Variants in SULF1 observed in about 807,000 individuals in gnomAD.
The protein encoded by SULF1 is extracellular sulfatase Sulf-1.
Under a neutral mutation model 110.5 loss-of-function variants are expected in SULF1, and 46 were observed. That is an observed-to-expected ratio of 0.42 (90% CI 0.33 to 0.53). SULF1 has a LOEUF of 0.53. Among genes scored for constraint, SULF1 ranks in the 20% least tolerant of loss-of-function variants. SULF1 has a pLI of 0.12. For synonymous variants in SULF1, 371 were observed against 387.1 expected (o/e 0.96, Z 0.49); for missense variants, 941 against 1,094.2 (o/e 0.86, Z 1.98).
At chr8:69,620,018 T>TCA (rs1809481657) in intron 13 of SULF1, among the ~76,000 whole-genome samples, 1 of 152,096 alleles carries the variant, frequency 6.6e-6, no homozygotes, top group Non-Finnish European at 1.5e-5. Context: ...AAGAATCAGG[T>TCA]CACACACGGG....
intron 13 of SULF1, among the ~76,000 whole-genome samples, chr8:69,619,194 T>A (rs1031794216): frequency 1.1e-4 from 16 of 152,178 alleles, no homozygotes; most frequent in African/African-American, 3.9e-4. Context: ...TTCTCACTCT[T>A]TAACTAGATA....
intron 13 of SULF1, among the ~76,000 whole-genome samples, chr8:69,608,737 A>G (rs1425580640): frequency 6.6e-6 from 1 of 152,176 alleles, no homozygotes; most frequent in Non-Finnish European, 1.5e-5. Context: ...AATCCCAGAG[A>G]CTTGGCATCA....
At chr8:69,654,300 T>C (rs1812557176) in intron 22 of SULF1, among the ~76,000 whole-genome samples, 1 of 152,248 alleles carries the variant, frequency 6.6e-6, no homozygotes, top group African/African-American at 2.4e-5. Flanking sequence ...GCCACTGTGC[T>C]GCTCTAGGCT....
At chr8:69,521,195 T>C (rs1812271524) in intron 3 of SULF1, among the ~76,000 whole-genome samples, 1 of 152,174 alleles carries the variant, frequency 6.6e-6, no homozygotes, top group African/African-American at 2.4e-5. Context: ...TTTCCTTTAT[T>C]TATGCATTCA....
At chr8:69,633,716 C>A (rs1337025268) in intron 19 of SULF1, among the ~76,000 whole-genome samples, 2 of 151,752 alleles carry the variant, frequency 1.3e-5, no homozygotes, top group Non-Finnish European at 2.9e-5. Context: ...GCAGAACGTG[C>A]AGTTTTGTTA....
chr8:69,536,045 A>C (rs1404728877), intron 3 of SULF1, among the ~76,000 whole-genome samples: 3 of 151,990 alleles, frequency 2.0e-5, no homozygotes, highest in African/African-American at 7.2e-5. Flanking sequence ...AAATCCCTGC[A>C]AGCAATCACC....
At chr8:69,648,597 G>A (rs1812102975) in intron 22 of SULF1, among the ~76,000 whole-genome samples, 1 of 152,200 alleles carries the variant, frequency 6.6e-6, no homozygotes, top group Admixed American at 6.5e-5. Context: ...AAACACTGAG[G>A]AAGGAGAGAG....
intron 13 of SULF1, 149 bp downstream of exon 13, chr8:69,605,081 C>A: frequency 1.8e-6 from 2 of 1,109,418 alleles, no homozygotes; most frequent in Non-Finnish European, 2.5e-6. Flanking sequence ...CACCTCTCCG[C>A]GGACAGAATT....
chr8:69,522,211 C>A (rs760344618), intron 3 of SULF1, among the ~76,000 whole-genome samples: 1 of 151,988 alleles, frequency 6.6e-6, no homozygotes, highest in East Asian at 1.9e-4. Context: ...CCACCACACC[C>A]GGCTACTTTT....
intron 3 of SULF1, among the ~76,000 whole-genome samples, chr8:69,514,496 G>A (rs1206382490): frequency 6.6e-6 from 1 of 152,178 alleles, no homozygotes; most frequent in Non-Finnish European, 1.5e-5. Context: ...TGAGATTTGG[G>A]TGGGGGTACA....
rs767775845 is a variant in SULF1 at position 69,586,479 on chromosome 8, A to G, written c.535A>G (p.Lys179Glu). The G allele has an allele frequency of 1.2e-6, 2 of 1,611,478 alleles. No individual in the cohort carries two copies. The highest frequency in any genetic ancestry group is 1.7e-6 in the Non-Finnish European group (2 of 1,179,536). ...TTACACTGTTTGTCGCAATGGCATCAAAGAAAAGCATGGATTTGATTATGC... is the reference window on the plus strand; with the variant it reads ...TTACACTGTTTGTCGCAATGGCATCGAAGAAAAGCATGGATTTGATTATGC... ...YNYTVCRNGI[K>E]EKHGFDYAKD... is the part of the protein sequence containing the mutation. Residue 179 changes from lysine to glutamate, a missense_variant, in exon 7 of 23, where the codon AAA becomes GAA. Physicochemically the swap from Lys to Glu is moderately conservative, Grantham distance 56. Coordinates refer to ENST00000402687, the MANE Select transcript of SULF1 (RefSeq NM_001128205.2).
At chr8:69,495,464 C>T (rs748068932) in intron 1 of SULF1, among the ~76,000 whole-genome samples, 134 of 152,248 alleles carry the variant, frequency 8.8e-4, no homozygotes, top group Non-Finnish European at 1.6e-3. Flanking sequence ...GCTCTCCCTA[C>T]TATGTTCTAA....
intron 19 of SULF1, among the ~76,000 whole-genome samples, chr8:69,634,599 T>C (rs1810830488): frequency 6.6e-6 from 1 of 151,934 alleles, no homozygotes; most frequent in Non-Finnish European, 1.5e-5. Flanking sequence ...TGAAACCCTA[T>C]CTCTACCAAA....
chr8:69,534,985 A>T (rs1048774548), intron 3 of SULF1, among the ~76,000 whole-genome samples: 2 of 152,184 alleles, frequency 1.3e-5, no homozygotes, highest in Admixed American at 6.5e-5. Flanking sequence ...ATTTTGCATG[A>T]TATATCAATT....
intron 13 of SULF1, among the ~76,000 whole-genome samples, chr8:69,619,840 C>T (rs938662789): frequency 1.3e-5 from 2 of 152,154 alleles, no homozygotes; most frequent in Middle Eastern, 3.2e-3. Flanking sequence ...TCCAGCCCTG[C>T]GGTAGTATCT....
intron 1 of SULF1, among the ~76,000 whole-genome samples, chr8:69,484,314 A>G (rs550540125): frequency 4.2e-4 from 64 of 152,210 alleles, no homozygotes; most frequent in Non-Finnish European, 8.8e-4. Context: ...CAGGCACCAC[A>G]TCTTATCTGC....
At chr8:69,566,603 C>T (rs56221900) in intron 5 of SULF1, among the ~76,000 whole-genome samples, 22,242 of 152,166 alleles carry the variant, frequency 0.15, 1,816 homozygotes, top group African/African-American at 0.21. Context: ...ATAATCCCAG[C>T]ACTTCGGGAG....
intron 19 of SULF1, among the ~76,000 whole-genome samples, chr8:69,630,449 C>T (rs981858734): frequency 5.9e-5 from 9 of 152,142 alleles, no homozygotes; most frequent in African/African-American, 2.2e-4. Context: ...TTGGAGACTC[C>T]AAAGAATTGA....
chr8:69,495,254 G>T (rs1431876912), intron 1 of SULF1, among the ~76,000 whole-genome samples: 1 of 152,146 alleles, frequency 6.6e-6, no homozygotes, highest in Admixed American at 6.5e-5. Flanking sequence ...GTGGTGGCAT[G>T]TGTCTGTAGT....
Sources: gnomAD v4.1 joint callset for allele counts (sites outside exome capture counted in the v4.1 genomes callset) on GRCh38, gnomAD v4.1.1 for gene constraint, MANE v1.5 for transcripts, NCBI Gene and HGNC (gene_info 2026-07-23, HGNC 2026-07-21) for gene names.